The following CD247 variants were observed in gnomAD, a reference collection of about 807,000 sequenced individuals.
CD247 encodes the protein CD247 molecule.
CD247 carries 13 observed loss-of-function variants against 30.0 expected under a neutral mutation model. That is an observed-to-expected ratio of 0.43 (90% confidence interval 0.28 to 0.69). The LOEUF (loss-of-function observed/expected upper bound fraction) is 0.69. CD247 is among the 30% of genes least tolerant of loss of function. The pLI is 0.16. For synonymous variants in CD247, 72 were observed against 80.0 expected (o/e 0.90, Z 0.53); for missense variants, 193 against 212.6 (o/e 0.91, Z 0.57).
intron 1 of CD247, among the ~76,000 whole-genome samples, chr1:167,511,093 G>A (rs993657648): frequency 3.3e-5 from 5 of 152,138 alleles, no homozygotes; most frequent in Admixed American, 2.6e-4. Context: ...AAAATATGAC[G>A]TAAATAATTG....
chr1:167,456,426 T>C (rs977683319), intron 1 of CD247, among the ~76,000 whole-genome samples: 2 of 152,080 alleles, frequency 1.3e-5, no homozygotes, highest in Admixed American at 1.3e-4. Context: ...AAACTACAGA[T>C]GCAGAGAATT....
chr1:167,481,268 CAGAG>C (rs1156713289), intron 1 of CD247, among the ~76,000 whole-genome samples: 1 of 152,188 alleles, frequency 6.6e-6, no homozygotes, highest in Non-Finnish European at 1.5e-5. Flanking sequence ...GGCTGGGCAA[CAGAG>C]AGAGACTCCC....
chr1:167,454,094 G>A (rs1273386131), intron 1 of CD247, among the ~76,000 whole-genome samples: 1 of 152,154 alleles, frequency 6.6e-6, no homozygotes, highest in Non-Finnish European at 1.5e-5. Flanking sequence ...TGGTGAAAAT[G>A]TTCTGGAAAT....
chr1:167,502,070 G>A (rs858538), intron 1 of CD247, among the ~76,000 whole-genome samples: 2 of 152,196 alleles, frequency 1.3e-5, no homozygotes, highest in Non-Finnish European at 2.9e-5. Context: ...GACAGGGCTG[G>A]CTCAGCAACC....
At chr1:167,517,401 G>T (rs1655656408) in intron 1 of CD247, among the ~76,000 whole-genome samples, 1 of 152,212 alleles carries the variant, frequency 6.6e-6, no homozygotes, top group South Asian at 2.1e-4. Flanking sequence ...TGTTTCTTTA[G>T]ATTGAAATTC....
chr1:167,492,118 G>T (rs899724746), intron 1 of CD247, among the ~76,000 whole-genome samples: 1 of 151,908 alleles, frequency 6.6e-6, no homozygotes, highest in African/African-American at 2.4e-5. Flanking sequence ...TGGCTAAGAG[G>T]GTAAATTTTA....
chr1:167,432,514 G>T (rs1482203035), intron 7 of CD247, among the ~76,000 whole-genome samples: 1 of 152,214 alleles, frequency 6.6e-6, no homozygotes. Flanking sequence ...GAAGTAGTTT[G>T]ACCGTGCTTA....
intron 1 of CD247, among the ~76,000 whole-genome samples, chr1:167,499,962 C>T (rs1654837345): frequency 6.6e-6 from 1 of 152,204 alleles, no homozygotes; most frequent in Non-Finnish European, 1.5e-5. Flanking sequence ...TAACTGCTCA[C>T]CTGACGACAA....
At chr1:167,462,582 T>C (rs1653071561) in intron 1 of CD247, among the ~76,000 whole-genome samples, 1 of 152,248 alleles carries the variant, frequency 6.6e-6, no homozygotes, top group Non-Finnish European at 1.5e-5. Context: ...TGCCCTGGTC[T>C]AAGCCAGAAA....
rs150908658 is a variant in CD247, at chr1:167,441,506, T to C, written c.59-739A>G. On this transcript the variant is annotated intron_variant, in intron 1 of 7. Coordinates refer to ENST00000362089, the MANE Select transcript of CD247 (RefSeq NM_198053.3). The stretch of plus-strand genomic sequence containing the variant: ...CCCTCCTCCCACTACACACACCCCA[T>C]TCCCAGGACACGCCTTGCTCTTCCA... 4.5e-3 allele frequency among the ~76,000 whole-genome samples: 684 copies of C among 152,190 alleles called. 6 individuals are homozygous for C. The highest frequency in any genetic ancestry group is 0.015 in the African/African-American group (639 of 41,536).
chr1:167,446,599 T>C (rs1011628937), intron 1 of CD247, among the ~76,000 whole-genome samples: 1 of 152,178 alleles, frequency 6.6e-6, no homozygotes, highest in African/African-American at 2.4e-5. Context: ...GATGGCCCTC[T>C]GACCTCCCAC....
intron 1 of CD247, among the ~76,000 whole-genome samples, chr1:167,483,012 CT>C (rs759667831): frequency 1.5e-3 from 216 of 140,370 alleles, no homozygotes; most frequent in Admixed American, 1.7e-3. Flanking sequence ...TTCTTTCTTT[CT>C]TTTTTTTTTT....
At chr1:167,517,707 G>C (rs2102130249) in intron 1 of CD247, among the ~76,000 whole-genome samples, 1 of 152,332 alleles carries the variant, frequency 6.6e-6, no homozygotes, top group East Asian at 1.9e-4. Flanking sequence ...GGGCAGGCTG[G>C]GGTGAGTCAC....
At chr1:167,433,092 TAGAA>T in intron 6 of CD247, 33 bp from the exon 7 acceptor site, 1 of 1,613,308 alleles carries the variant, frequency 6.2e-7, no homozygotes. Context: ...AGAAAAGGAT[TAGAA>T]AGTCAGGCAG....
chr1:167,447,091 A>G (rs1418976821), intron 1 of CD247, among the ~76,000 whole-genome samples: 3 of 152,260 alleles, frequency 2.0e-5, no homozygotes, highest in Admixed American at 6.5e-5. Flanking sequence ...CTCACTTCAC[A>G]AAATGATAAT....
intron 1 of CD247, among the ~76,000 whole-genome samples, chr1:167,460,418 A>T (rs1652940289): frequency 6.6e-6 from 1 of 151,980 alleles, no homozygotes; most frequent in South Asian, 2.1e-4. Flanking sequence ...ATAAAAATAA[A>T]AATAAAGAAA....
intron 1 of CD247, among the ~76,000 whole-genome samples, chr1:167,509,766 G>A (rs566248515): frequency 3.9e-5 from 6 of 152,308 alleles, no homozygotes; most frequent in Non-Finnish European, 7.4e-5. Context: ...CAGTGGGTCT[G>A]GGAGATCCCC....
chr1:167,484,749 C>A (rs1032566868), intron 1 of CD247, among the ~76,000 whole-genome samples: 51 of 152,338 alleles, frequency 3.3e-4, no homozygotes, highest in African/African-American at 1.2e-3. Flanking sequence ...CGCAGTCCAG[C>A]CCGGCGACAG....
chr1:167,452,659 T>C (rs1479717041), intron 1 of CD247, among the ~76,000 whole-genome samples: 1 of 151,874 alleles, frequency 6.6e-6, no homozygotes, highest in Admixed American at 6.6e-5. Context: ...AGGAAACAAA[T>C]CATCCCACGA....
Sources: allele counts gnomAD v4.1 joint callset (sites outside exome capture counted in the v4.1 genomes callset), GRCh38; gene constraint gnomAD v4.1.1; transcripts MANE v1.5; gene names NCBI Gene and HGNC (gene_info 2026-07-23, HGNC 2026-07-21).